The following SIRT1 variants were observed in gnomAD, a reference collection of about 807,000 sequenced individuals.
The protein encoded by SIRT1 is NAD-dependent protein deacetylase sirtuin-1.
SIRT1 carries 24 observed loss-of-function variants against 67.9 expected under a neutral mutation model. The ratio of observed to expected loss-of-function variants is 0.35; its 90% CI spans 0.26 to 0.50. The LOEUF is 0.50. Among genes scored for constraint, SIRT1 ranks in the 20% least tolerant of loss-of-function variants. The pLI is 0.98. For missense variants in SIRT1, 873 were observed against 937.2 expected (o/e 0.93, Z 0.89); for synonymous variants, 378 against 350.7 (o/e 1.08, Z -0.87).
At position 67,916,559 on chromosome 10, in the gene SIRT1, TA is replaced by T; in HGVS notation, c.2212del (p.Thr738GlnfsTer3). 1 of 1,613,916 alleles carries T rather than the reference TA, an allele frequency of 6.2e-7. No homozygotes were observed. Among genetic ancestry groups the T allele is most frequent in the South Asian group, 1.1e-5 (1 of 91,060 alleles). On this transcript the variant is annotated frameshift_variant, in exon 9 of 9. Transcript: ENST00000212015. LOFTEE classifies it high-confidence loss of function. ...INEAISVKQEVTDMNYPSNKS is the reference protein window; with the variant it reads ...INEAISVKQEXTDMNYPSNKS The stretch of plus-strand genomic sequence containing the variant: ...GAAGCTATATCTGTGAAACAGGAAG[TA>T]ACAGACATGAACTATCCATCAAACA...
chr10:67,914,220 C>A (rs1020972431), intron 8 of SIRT1, among the ~76,000 whole-genome samples: 1 of 151,846 alleles, frequency 6.6e-6, no homozygotes, highest in African/African-American at 2.4e-5. Context: ...TACAGGCATG[C>A]GCCACCTTGC....
rs777147954 is a variant in SIRT1, at chr10:67,912,865, A to G, written c.1749A>G (p.Gln583=). 5 of 1,614,174 alleles carry G rather than the reference A, an allele frequency of 3.1e-6. No individual in the cohort carries two copies. The East Asian group carries it at 8.9e-5, about 29-fold the overall frequency. ...TGGAAGAAAAACCACAGGAAGTACA[A>G]ACTTCTAGGAATGTTGAAAGTATTG... is the stretch of plus-strand genomic sequence containing the variant. The part of the protein sequence containing the change: ...GCMEEKPQEV[Q]TSRNVESIAE... Residue 583 remains glutamine (Q), a synonymous_variant, in exon 8 of 9, where the codon CAA becomes CAG. Coordinates refer to ENST00000212015, the MANE Select transcript of SIRT1 (RefSeq NM_012238.5).
At chr10:67,912,448 A>T (rs777506982) in intron 7 of SIRT1, 26 bp from the exon 8 acceptor site, 1 of 1,550,684 alleles carries the variant, frequency 6.4e-7, no homozygotes, top group South Asian at 1.2e-5. Flanking sequence ...CCCTTTTTCT[A>T]ACTCTTATTT....
At chr10:67,913,507 T>G (rs905436281) in intron 8 of SIRT1, among the ~76,000 whole-genome samples, 8 of 152,236 alleles carry the variant, frequency 5.3e-5, no homozygotes, top group Non-Finnish European at 7.3e-5. Context: ...CTATGCGGTG[T>G]TGTCTCAGAT....
At chr10:67,911,704 TCTTC>T (rs1162403789) in intron 7 of SIRT1, among the ~76,000 whole-genome samples, 7 of 140,382 alleles carry the variant, frequency 5.0e-5, no homozygotes, top group African/African-American at 1.1e-4. Flanking sequence ...TCCCGTCCGT[TCTTC>T]CTTCCTTCCT....
rs1316567275 is a variant in SIRT1, at chr10:67,916,789, A to ACTT, written c.*197_*199dup. On this transcript the variant is annotated 3_prime_UTR_variant, in exon 9 of 9. Coordinates refer to ENST00000212015, the MANE Select transcript of SIRT1 (RefSeq NM_012238.5). ...CTGTACTTGTACAAACTCAACACTA[A>ACTT]CTTTTTTTTTTTTAAAAAAAAAAAG... The ACTT allele has an allele frequency of 2.0e-5, 7 of 349,926 alleles. No homozygotes were observed. Among genetic ancestry groups the ACTT allele is most frequent in the African/African-American group, 8.8e-5 (4 of 45,448 alleles). 21.7% of individuals were successfully genotyped at this position (349,926 alleles called of 1,614,324 possible).
At chr10:67,888,285 C>T (rs1029851483) in intron 2 of SIRT1, among the ~76,000 whole-genome samples, 1 of 152,126 alleles carries the variant, frequency 6.6e-6, no homozygotes, top group Non-Finnish European at 1.5e-5. Flanking sequence ...AGATCAGTTT[C>T]TCTTTGGTGT....
At chr10:67,906,166 A>G in intron 4 of SIRT1, 1 of 1,369,114 alleles carries the variant, frequency 7.3e-7, no homozygotes, top group East Asian at 2.9e-5. Flanking sequence ...TTTAAAGAAG[A>G]AACAGCATTG....
At chr10:67,907,065 TAACCTCAG>T in intron 5 of SIRT1, 128 bp downstream of exon 5, 1 of 845,094 alleles carries the variant, frequency 1.2e-6, no homozygotes, top group Non-Finnish European at 1.7e-6. Flanking sequence ...CATTTATCGA[TAACCTCAG>T]AAAAGTAGAA....
intron 4 of SIRT1, chr10:67,906,162 G>A: frequency 1.5e-6 from 2 of 1,353,402 alleles, no homozygotes; most frequent in Non-Finnish European, 9.6e-7. Context: ...TGTTTTTAAA[G>A]AAGAAACAGC....
intron 4 of SIRT1, among the ~76,000 whole-genome samples, chr10:67,896,760 T>TC (rs1842664317): frequency 2.3e-5 from 1 of 43,964 alleles, no homozygotes; most frequent in Non-Finnish European, 3.7e-5. Flanking sequence ...AGAATCTGTC[T>TC]CAAAAAAAAA....
chr10:67,898,303 C>T (rs1334215381), intron 4 of SIRT1, among the ~76,000 whole-genome samples: 2 of 150,454 alleles, frequency 1.3e-5, no homozygotes, highest in Non-Finnish European at 3.0e-5. Context: ...AGGGACTATA[C>T]TATGTTCGAA....
chr10:67,888,508 AATG>A (rs1409314843), intron 2 of SIRT1, among the ~76,000 whole-genome samples: 1 of 152,204 alleles, frequency 6.6e-6, no homozygotes, highest in African/African-American at 2.4e-5. Flanking sequence ...GTGTGGTTTT[AATG>A]ATAAGTAGTA....
At chr10:67,891,364 A>G in intron 3 of SIRT1, 38 bp from the exon 4 acceptor site, 1 of 1,598,674 alleles carries the variant, frequency 6.3e-7, no homozygotes, top group Middle Eastern at 1.7e-4. Flanking sequence ...ATAAAGGTAG[A>G]AGATTTAATT....
In SIRT1 at chr10:67,887,678, G is replaced by A. The variant is rs1306610993; in HGVS notation, c.547+145G>A. 1.3e-5 allele frequency: 7 copies of A among 535,160 alleles called. No homozygotes were observed. The East Asian group carries it at 2.4e-4, about 19-fold the overall frequency. The allele number at this position is 535,160 out of a possible 1,614,324, so 33.2% of individuals were successfully genotyped here. On this transcript the variant is annotated intron_variant, in intron 2 of 8. Transcript: ENST00000212015. ...CGTACCCTCCGCCTTCCAGGTTCAA[G>A]CGATTCTCCTGCCTCAGCCTCCCCA...
chr10:67,906,282 A>G (rs367688563), intron 4 of SIRT1: 152 of 1,582,042 alleles, frequency 9.6e-5, no homozygotes, highest in African/African-American at 3.6e-4. Flanking sequence ...AAGGAAAACA[A>G]TTTTGGTAAG....
chr10:67,887,348 C>G, intron 1 of SIRT1, 69 bp from the exon 2 acceptor site: 2 of 967,708 alleles, frequency 2.1e-6, no homozygotes, highest in South Asian at 1.3e-5. Context: ...AATGATTGCT[C>G]TATAACCGTT....
At chr10:67,894,324 C>A (rs1282516847) in intron 4 of SIRT1, among the ~76,000 whole-genome samples, 1 of 152,172 alleles carries the variant, frequency 6.6e-6, no homozygotes, top group African/African-American at 2.4e-5. Context: ...TCATCTATAT[C>A]TAGCTTTTAG....
chr10:67,887,960 A>G (rs942366250), intron 2 of SIRT1, among the ~76,000 whole-genome samples: 10 of 152,010 alleles, frequency 6.6e-5, no homozygotes, highest in Admixed American at 6.6e-5. Context: ...TTTTCACTTT[A>G]TTGTACACTT....
Sources: allele counts gnomAD v4.1 joint callset (sites outside exome capture counted in the v4.1 genomes callset), GRCh38; gene constraint gnomAD v4.1.1; transcripts MANE v1.5; gene names NCBI Gene and HGNC (gene_info 2026-07-23, HGNC 2026-07-21).